Variants in RUNX3 observed in about 807,000 individuals in gnomAD.
RUNX3 encodes RUNX family transcription factor 3, also known as runt-related transcription factor 3.
Under a neutral mutation model 27.7 loss-of-function variants are expected in RUNX3, and 10 were observed. That is an observed-to-expected ratio of 0.36 (90% CI 0.22 to 0.61). The LOEUF (loss-of-function observed/expected upper bound fraction) is 0.61, where lower values mean the gene tolerates loss of function less well. RUNX3 is among the 20% of genes least tolerant of loss of function. The pLI, the probability that RUNX3 is intolerant of heterozygous loss-of-function variation, is 0.72. For missense variants in RUNX3, 469 were observed against 629.5 expected (o/e 0.75, Z 2.73); for synonymous variants, 270 against 269.2 (o/e 1.00, Z -0.03).
At chr1:24,956,600 C>T (rs1484090024) in intron 2 of RUNX3, among the ~76,000 whole-genome samples, 4 of 152,154 alleles carry the variant, frequency 2.6e-5, no homozygotes, top group Non-Finnish European at 4.4e-5. Context: ...CACCTCTTCC[C>T]GAGACACAGG....
chr1:24,960,831 G>A (rs1642091248), intron 2 of RUNX3, among the ~76,000 whole-genome samples: 1 of 152,168 alleles, frequency 6.6e-6, no homozygotes, highest in South Asian at 2.1e-4. Context: ...GAAGGGACTT[G>A]TCCTTAGTTA....
rs760214686 is a variant in RUNX3 at position 24,927,708 on chromosome 1, G to A, written c.305C>T (p.Pro102Leu). 1.7e-5 allele frequency: 28 copies of A among 1,613,894 alleles called. No individual in the cohort carries two copies. Among genetic ancestry groups the A allele is most frequent in the Non-Finnish European group, 1.6e-5 (19 of 1,180,014 alleles). The change falls in exon 2 of 5, where the codon CCG becomes CTG. Residue 102 changes from proline to leucine, a missense_variant. By Grantham distance (98) the Pro-to-Leu change is moderately conservative. This residue lies in a region of RUNX3 where 75 missense variants were observed against 168.5 expected (regional missense o/e 0.45). Transcript: ENST00000308873. The surrounding 1 kb of genome is among the most constrained non-coding windows in gnomAD (Gnocchi z 5.0). ...AFKVVALGDV[P>L]DGTVVTVMAG... ...CATCACAGTCACCACCGTACCATCCGGCACGTCCCCCAATGCCACCACCTG... is the reference window on the plus strand; with the variant it reads ...CATCACAGTCACCACCGTACCATCCAGCACGTCCCCCAATGCCACCACCTG...
At chr1:24,956,511 G>A (rs1571363510) in intron 2 of RUNX3, among the ~76,000 whole-genome samples, 1 of 152,214 alleles carries the variant, frequency 6.6e-6, no homozygotes, top group Non-Finnish European at 1.5e-5. Context: ...TGTAGGAGAT[G>A]TGGGGGCACC....
chr1:24,919,132 G>A (rs1456281072), intron 3 of RUNX3, 108 bp downstream of exon 3: 9 of 650,240 alleles, frequency 1.4e-5, no homozygotes, highest in Non-Finnish European at 2.3e-5. Flanking sequence ...CAGAGCCAAG[G>A]ACTGCAACCC....
intron 2 of RUNX3, among the ~76,000 whole-genome samples, chr1:24,960,610 C>G (rs1006120623): frequency 6.6e-6 from 1 of 152,186 alleles, no homozygotes. Context: ...GCCAGTGTCC[C>G]TGGTGAGTGT....
At chr1:24,958,873 C>T (rs889543212) in intron 2 of RUNX3, among the ~76,000 whole-genome samples, 2 of 152,104 alleles carry the variant, frequency 1.3e-5, no homozygotes, top group Admixed American at 6.5e-5. Context: ...TCCCCAACTA[C>T]GGGGGGTGGG....
intron 2 of RUNX3, among the ~76,000 whole-genome samples, chr1:24,937,434 C>T (rs1641373810): frequency 6.6e-6 from 1 of 152,244 alleles, no homozygotes; most frequent in African/African-American, 2.4e-5. Context: ...CTGCCATGTA[C>T]CCAATCCCGG....
chr1:24,960,633 G>A lies in RUNX3; in HGVS notation c.58+3881C>T, dbSNP rs975840331. On this transcript the variant is annotated intron_variant, in intron 2 of 6. Coordinates refer to the RUNX3 transcript ENST00000338888. The stretch of plus-strand genomic sequence containing the variant: ...CCCTGGTGAGTGTTTGCCTGTGGGG[G>A]TACAAGTGAGGGTTCAGCAAAGGTG... 2.6e-5 allele frequency among the ~76,000 whole-genome samples: 4 copies of A among 152,184 alleles called. No homozygotes were observed. The East Asian group carries it at 7.7e-4, about 29-fold the overall frequency.
rs746764246 is a variant in RUNX3 at position 24,962,547 on chromosome 1, C to T, written c.58+1967G>A. On this transcript the variant is annotated intron_variant, in intron 2 of 6. Transcript: ENST00000338888. The surrounding 1 kb of genome is among the most constrained non-coding windows in gnomAD (Gnocchi z 4.5). ...AGACAGGCCCCCATGGCGAGCACGT[C>T]GTGAGCAGAAATGAACAGGAGAGAG... Among the ~76,000 whole-genome samples, 5 of 152,134 alleles carry T rather than the reference C, an allele frequency of 3.3e-5. No individual in the cohort carries two copies. The highest frequency in any genetic ancestry group is 1.3e-4 in the Admixed American group (2 of 15,284).
intron 3 of RUNX3, among the ~76,000 whole-genome samples, chr1:24,909,822 C>T (rs1342563994): frequency 1.3e-5 from 2 of 152,224 alleles, no homozygotes; most frequent in African/African-American, 2.4e-5. Flanking sequence ...TCAACCCTAA[C>T]ACGGTCACGG....
At chr1:24,954,145 A>G (rs1179413562) in intron 2 of RUNX3, among the ~76,000 whole-genome samples, 1 of 152,254 alleles carries the variant, frequency 6.6e-6, no homozygotes, top group Non-Finnish European at 1.5e-5. Context: ...AAAGAGACCC[A>G]CAGAGGCAAA....
At position 24,927,806 on chromosome 1, in the gene RUNX3, G is replaced by T; in HGVS notation, c.283-76C>A. The T allele has an allele frequency of 7.6e-7, 1 of 1,314,544 alleles. No homozygotes were observed. 81.4% of individuals were successfully genotyped at this position (1,314,544 alleles called of 1,614,324 possible). A position where few individuals can be genotyped will look rare whatever the true frequency, so the allele number is the denominator to read the frequency against. On this transcript the variant is annotated intron_variant, in intron 1 of 4. Coordinates refer to ENST00000308873, the MANE Select transcript of RUNX3 (RefSeq NM_004350.3). This position sits in a 1 kb window ranked among gnomAD's most constrained non-coding sequence, Gnocchi z 5.0. ...GGTGACCAGGGAAAGGAGGGGAGGG[G>T]CTGGGCTGGGCAGCTCCCCCAGGTC... is the stretch of plus-strand genomic sequence containing the variant.
chr1:24,917,709 G>A (rs570601456), intron 3 of RUNX3, among the ~76,000 whole-genome samples: 12 of 152,158 alleles, frequency 7.9e-5, no homozygotes, highest in Non-Finnish European at 1.6e-4. Flanking sequence ...CTGCTTGTGC[G>A]AATATCATTT....
At chr1:24,906,500 C>G (rs184538482) in intron 4 of RUNX3, among the ~76,000 whole-genome samples, 2 of 152,360 alleles carry the variant, frequency 1.3e-5, no homozygotes, top group Admixed American at 6.5e-5. Context: ...GTCCCCAGCT[C>G]ACTGACTGAG....
chr1:24,913,241 G>A (rs1051951577), intron 3 of RUNX3, among the ~76,000 whole-genome samples: 1 of 152,240 alleles, frequency 6.6e-6, no homozygotes, highest in Non-Finnish European at 1.5e-5. Flanking sequence ...CAGCTGCTGG[G>A]CTCAGATCAG....
chr1:24,958,316 T>G (rs912118741), intron 2 of RUNX3, among the ~76,000 whole-genome samples: 4 of 152,252 alleles, frequency 2.6e-5, no homozygotes, highest in African/African-American at 9.6e-5. Context: ...TAGATTGTTC[T>G]GACTCCTAAA....
intron 3 of RUNX3, among the ~76,000 whole-genome samples, chr1:24,913,247 A>G (rs1398514677): frequency 6.6e-6 from 1 of 152,226 alleles, no homozygotes; most frequent in Non-Finnish European, 1.5e-5. Context: ...CTGGGCTCAG[A>G]TCAGACAGCT....
At position 24,899,767 on chromosome 1, in the gene RUNX3, T is replaced by A. The variant is rs1056834438; in HGVS notation, c.*2355A>T. On this transcript the variant is annotated 3_prime_UTR_variant, in exon 5 of 5. Transcript: ENST00000308873. ...GTCACAAAAGATTGGTACCCACTACTGACAGGCTCACAGTAACACTATATC... is the reference window on the plus strand; with the variant it reads ...GTCACAAAAGATTGGTACCCACTACAGACAGGCTCACAGTAACACTATATC... 6.6e-6 allele frequency: 1 copy of A among 152,606 alleles called. No homozygotes were observed. Among genetic ancestry groups the A allele is most frequent in the Non-Finnish European group, 1.5e-5 (1 of 68,054 alleles). The allele number at this position is 152,606 out of a possible 1,614,324, so 9.5% of individuals were successfully genotyped here. A position where few individuals can be genotyped will look rare whatever the true frequency, so the allele number is the denominator to read the frequency against.
intron 2 of RUNX3, among the ~76,000 whole-genome samples, chr1:24,963,452 T>A (rs1320348316): frequency 6.6e-6 from 1 of 152,162 alleles, no homozygotes; most frequent in Middle Eastern, 3.2e-3. Context: ...CTAGATCTCA[T>A]GCAGCCTCTC....
Sources: allele counts gnomAD v4.1 joint callset (sites outside exome capture counted in the v4.1 genomes callset), GRCh38; gene constraint gnomAD v4.1.1; regional missense constraint gnomAD v4.1.1; non-coding constraint Gnocchi (gnomAD v3.1); transcripts MANE v1.5; gene names NCBI Gene and HGNC (gene_info 2026-07-23, HGNC 2026-07-21).